The following MAGI3 variants were observed in gnomAD, a reference collection of about 807,000 sequenced individuals.
MAGI3 encodes the protein membrane-associated guanylate kinase, WW and PDZ domain-containing protein 3.
Under a neutral mutation model 121.8 loss-of-function variants are expected in MAGI3, and 43 were observed. The ratio of observed to expected loss-of-function variants is 0.35; its 90% CI spans 0.28 to 0.46. MAGI3 has a LOEUF of 0.46. MAGI3 is among the 20% of genes least tolerant of loss of function. The pLI, the probability that MAGI3 is intolerant of heterozygous loss-of-function variation, is 1.00. For missense variants in MAGI3, 1,547 were observed against 1,797.3 expected, an observed-to-expected ratio of 0.86 and a Z score of 2.52; for synonymous variants, 553 against 639.3, an observed-to-expected ratio of 0.86 and a Z score of 2.04.
intron 14 of MAGI3, among the ~76,000 whole-genome samples, chr1:113,652,881 AATTGGCC>A (rs1199559771): frequency 4.6e-5 from 7 of 152,184 alleles, no homozygotes; most frequent in African/African-American, 1.7e-4. Context: ...GGTGTAGGTT[AATTGGCC>A]ATTTGTCAGG....
intron 6 of MAGI3, among the ~76,000 whole-genome samples, chr1:113,600,106 A>G (rs941183481): frequency 8.5e-5 from 13 of 152,210 alleles, no homozygotes; most frequent in Non-Finnish European, 1.2e-4. Context: ...CAAACCCACA[A>G]CCAATATCAT....
At chr1:113,607,272 A>T (rs1041530881) in intron 6 of MAGI3, among the ~76,000 whole-genome samples, 2 of 152,208 alleles carry the variant, frequency 1.3e-5, no homozygotes, top group Non-Finnish European at 2.9e-5. Context: ...ATTCTTACTG[A>T]TTCCGTATGT....
chr1:113,670,095 C>G (rs540296276), intron 16 of MAGI3, among the ~76,000 whole-genome samples: 2 of 151,614 alleles, frequency 1.3e-5, no homozygotes, highest in South Asian at 4.2e-4. Flanking sequence ...ACACAACCCT[C>G]TGGGTAAGTT....
Position 113,496,765 on chromosome 1 carries a change from C to T in MAGI3, c.317-52750C>T, listed in dbSNP as rs191754596. 9.9e-5 allele frequency among the ~76,000 whole-genome samples: 15 copies of T among 152,186 alleles called. No individual in the cohort carries two copies. In the East Asian group the frequency reaches 1.3e-3, roughly 14 times the overall value. On this transcript the variant is annotated intron_variant, in intron 1 of 20. Coordinates refer to ENST00000307546, the MANE Select transcript of MAGI3 (RefSeq NM_001142782.2). Reference sequence around the variant, plus strand: ...TTTTTGCTCAGTTTTGGAATAGTACCGATTACCAAAGGTAAACCTGACCCT... The same window carrying T: ...TTTTTGCTCAGTTTTGGAATAGTACTGATTACCAAAGGTAAACCTGACCCT...
At chr1:113,463,109 A>T (rs1655110662) in intron 1 of MAGI3, among the ~76,000 whole-genome samples, 1 of 152,096 alleles carries the variant, frequency 6.6e-6, no homozygotes, top group Non-Finnish European at 1.5e-5. Flanking sequence ...AAATTTAAAA[A>T]ACAAATCTCC....
chr1:113,633,778 A>G (rs1454376289), intron 9 of MAGI3, among the ~76,000 whole-genome samples: 3 of 152,158 alleles, frequency 2.0e-5, no homozygotes, highest in Non-Finnish European at 4.4e-5. Flanking sequence ...GTCAAATGGT[A>G]TTTCTAGTTC....
At chr1:113,484,478 A>G (rs966724530) in intron 1 of MAGI3, among the ~76,000 whole-genome samples, 10 of 152,050 alleles carry the variant, frequency 6.6e-5, no homozygotes, top group African/African-American at 1.4e-4. Context: ...TAGCTCCCAC[A>G]TATGAGTGAG....
At chr1:113,619,934 T>TCTTTAGTGTC in intron 8 of MAGI3, 104 bp downstream of exon 8, 4 of 722,254 alleles carry the variant, frequency 5.5e-6, no homozygotes, top group Non-Finnish European at 7.1e-6. Context: ...GCTTTGACAC[T>TCTTTAGTGTC]AAAGAGTGTC....
rs1448172751 is a variant in MAGI3 at position 113,643,728 on chromosome 1, CA to C, written c.1967-14del. 1 of 1,609,240 alleles carries C rather than the reference CA, an allele frequency of 6.2e-7. No homozygotes were observed. Among genetic ancestry groups the C allele is most frequent in the Non-Finnish European group, 8.5e-7 (1 of 1,175,964 alleles). On this transcript the variant is annotated splice_polypyrimidine_tract_variant and intron_variant, in intron 10 of 20. Coordinates refer to ENST00000307546, the MANE Select transcript of MAGI3 (RefSeq NM_001142782.2). ...CATCCTCTGGTTTTAAACTTTGGTT[CA>C]TTTTTTTTTTAAGGTCCTCCTTCAC...
At chr1:113,423,137 A>T (rs1014808612) in intron 1 of MAGI3, among the ~76,000 whole-genome samples, 1 of 151,890 alleles carries the variant, frequency 6.6e-6, no homozygotes, top group African/African-American at 2.4e-5. Flanking sequence ...CAACTAGAGG[A>T]TGAGCAAGGC....
chr1:113,530,274 C>A (rs1658641718), intron 1 of MAGI3, among the ~76,000 whole-genome samples: 1 of 149,324 alleles, frequency 6.7e-6, no homozygotes, highest in Admixed American at 6.7e-5. Context: ...CGGCTGTCTG[C>A]AAACATTTTT....
intron 16 of MAGI3, among the ~76,000 whole-genome samples, chr1:113,659,532 A>C (rs1257375970): frequency 6.6e-6 from 1 of 152,238 alleles, no homozygotes; most frequent in Non-Finnish European, 1.5e-5. Flanking sequence ...GAAGTGAAAG[A>C]GACTGGTAGT....
intron 15 of MAGI3, among the ~76,000 whole-genome samples, chr1:113,655,590 A>G (rs563242141): frequency 1.2e-4 from 19 of 152,180 alleles, no homozygotes; most frequent in African/African-American, 4.1e-4. Flanking sequence ...TCCTTGTTTC[A>G]ATCATTTTTT....
intron 9 of MAGI3, among the ~76,000 whole-genome samples, chr1:113,634,727 G>A (rs538359244): frequency 4.6e-5 from 7 of 152,150 alleles, no homozygotes; most frequent in African/African-American, 7.2e-5. Context: ...CTTTTTTTTG[G>A]TTCCATATGA....
intron 15 of MAGI3, 66 bp from the exon 16 acceptor site, chr1:113,659,014 G>C: frequency 7.8e-7 from 1 of 1,275,684 alleles, no homozygotes; most frequent in Non-Finnish European, 1.1e-6. Flanking sequence ...AAATGACGTT[G>C]ATTATAAATC....
chr1:113,637,630 T>A (rs1418137386), intron 9 of MAGI3, among the ~76,000 whole-genome samples: 1 of 152,228 alleles, frequency 6.6e-6, no homozygotes, highest in Non-Finnish European at 1.5e-5. Flanking sequence ...CCTTTGTGGG[T>A]AACCCGACCT....
At chr1:113,603,196 T>G (rs1442758912) in intron 6 of MAGI3, among the ~76,000 whole-genome samples, 1 of 152,038 alleles carries the variant, frequency 6.6e-6, no homozygotes, top group African/African-American at 2.4e-5. Context: ...GAGGCTACTA[T>G]GAATAAGTGA....
intron 14 of MAGI3, among the ~76,000 whole-genome samples, chr1:113,652,659 GA>G (rs1038401387): frequency 1.3e-4 from 18 of 138,472 alleles, no homozygotes; most frequent in East Asian, 6.2e-4. Context: ...TATGCATTTT[GA>G]AAAAAAAAAA....
At chr1:113,492,481 G>A (rs186546707) in intron 1 of MAGI3, among the ~76,000 whole-genome samples, 3 of 152,012 alleles carry the variant, frequency 2.0e-5, no homozygotes, top group Non-Finnish European at 4.4e-5. Context: ...CCCTCTCTTG[G>A]CATCCTTTTT....
Sources: allele counts gnomAD v4.1 joint callset (sites outside exome capture counted in the v4.1 genomes callset), GRCh38; gene constraint gnomAD v4.1.1; transcripts MANE v1.5; gene names NCBI Gene and HGNC (gene_info 2026-07-23, HGNC 2026-07-21).